Variants in METTL15 observed in about 807,000 individuals in gnomAD.
METTL15 encodes the protein methyltransferase 15, mitochondrial 12S rRNA N4-cytidine, also known as 12S rRNA N(4)-cytidine methyltransferase METTL15.
A neutral mutation model predicts 38.3 loss-of-function variants in METTL15; 34 were observed. That is an observed-to-expected ratio of 0.89 (90% confidence interval 0.68 to 1.18). The LOEUF is 1.18. Among genes scored for constraint, METTL15 ranks in the 50% most tolerant of loss-of-function variants. The pLI is 0.00. For synonymous variants in METTL15, 162 were observed against 170.9 expected (o/e 0.95, Z 0.41); for missense variants, 438 against 498.4 (o/e 0.88, Z 1.15).
intron 6 of METTL15, among the ~76,000 whole-genome samples, chr11:28,433,592 TA>T (rs1349831395): frequency 6.6e-6 from 1 of 152,154 alleles, no homozygotes; most frequent in Non-Finnish European, 1.5e-5. Flanking sequence ...TGACATGTAA[TA>T]AGAATATACG....
At chr11:28,491,295 T>G (rs1282502661) in intron 6 of METTL15, among the ~76,000 whole-genome samples, 1 of 152,150 alleles carries the variant, frequency 6.6e-6, no homozygotes. Flanking sequence ...TATTTAATGC[T>G]TATTGAATGG....
intron 3 of METTL15, among the ~76,000 whole-genome samples, chr11:28,128,668 T>A (rs551029755): frequency 5.2e-4 from 79 of 152,318 alleles, no homozygotes; most frequent in African/African-American, 1.7e-3. Context: ...AACTATGCAA[T>A]CACTCTTTTT....
intron 5 of METTL15, among the ~76,000 whole-genome samples, chr11:28,292,023 A>AT (rs530266776): frequency 2.1e-4 from 31 of 150,896 alleles, no homozygotes; most frequent in East Asian, 1.2e-3. Flanking sequence ...TAATCAAAAG[A>AT]TTTTTTTTTA....
chr11:28,255,084 C>T (rs1854917755), intron 4 of METTL15, among the ~76,000 whole-genome samples: 1 of 152,112 alleles, frequency 6.6e-6, no homozygotes, highest in Non-Finnish European at 1.5e-5. Flanking sequence ...AATATTCTTC[C>T]ATTCCATGAA....
intron 5 of METTL15, among the ~76,000 whole-genome samples, chr11:28,414,329 C>G (rs538608339): frequency 6.6e-6 from 1 of 151,978 alleles, no homozygotes; most frequent in Non-Finnish European, 1.5e-5. Context: ...AAGAGAAATA[C>G]CCTAACTTCT....
intron 3 of METTL15, among the ~76,000 whole-genome samples, chr11:28,208,969 T>G (rs1236903239): frequency 1.3e-5 from 2 of 152,018 alleles, no homozygotes; most frequent in Admixed American, 6.6e-5. Flanking sequence ...CCTTCTAGTT[T>G]CATAAATTCC....
At chr11:28,198,046 G>T (rs1851974312) in intron 3 of METTL15, among the ~76,000 whole-genome samples, 1 of 152,002 alleles carries the variant, frequency 6.6e-6, no homozygotes, top group Admixed American at 6.6e-5. Context: ...ATTCTTAAAA[G>T]AAAGTACCTC....
chr11:28,144,311 T>C (rs780030235), intron 3 of METTL15, among the ~76,000 whole-genome samples: 3 of 152,168 alleles, frequency 2.0e-5, no homozygotes, highest in Non-Finnish European at 4.4e-5. Context: ...ATTATGACTT[T>C]GACCTCTCTG....
chr11:28,518,487 C>T (rs1479642651), intron 6 of METTL15, among the ~76,000 whole-genome samples: 1 of 152,200 alleles, frequency 6.6e-6, no homozygotes, highest in African/African-American at 2.4e-5. Flanking sequence ...ACATAACCCT[C>T]TTGTTCCATG....
intron 3 of METTL15, among the ~76,000 whole-genome samples, chr11:28,209,793 C>T (rs1274503714): frequency 6.6e-6 from 1 of 151,948 alleles, no homozygotes; most frequent in Non-Finnish European, 1.5e-5. Context: ...TAAGTGGAAA[C>T]ATTCAGAGCA....
At chr11:28,357,182 GT>G (rs1175525810) in intron 4 of METTL15, among the ~76,000 whole-genome samples, 1 of 152,140 alleles carries the variant, frequency 6.6e-6, no homozygotes, top group Non-Finnish European at 1.5e-5. Flanking sequence ...TATACTTTTG[GT>G]TTACATACAG....
intron 5 of METTL15, among the ~76,000 whole-genome samples, chr11:28,404,943 A>G (rs954964833): frequency 1.3e-5 from 2 of 152,130 alleles, no homozygotes; most frequent in Non-Finnish European, 2.9e-5. Context: ...TCAGAGCTTA[A>G]TATTTGTAAG....
intron 6 of METTL15, among the ~76,000 whole-genome samples, chr11:28,430,927 A>G (rs1378583085): frequency 1.6e-3 from 153 of 98,186 alleles, no homozygotes; most frequent in South Asian, 2.9e-3. Context: ...CCGCCCGGCC[A>G]GCCGCCCCGT....
chr11:28,139,523 A>G (rs1242555647), intron 3 of METTL15, among the ~76,000 whole-genome samples: 1 of 152,056 alleles, frequency 6.6e-6, no homozygotes, highest in Non-Finnish European at 1.5e-5. Context: ...AATTATCCGC[A>G]TTTACCCACA....
chr11:28,361,564 C>G (rs1271033354), intron 4 of METTL15, among the ~76,000 whole-genome samples: 6 of 152,114 alleles, frequency 3.9e-5, no homozygotes, highest in African/African-American at 9.7e-5. Flanking sequence ...TACTCTTACT[C>G]TAGCTAGATT....
At chr11:28,432,886 T>A (rs1280297445) in intron 6 of METTL15, among the ~76,000 whole-genome samples, 1 of 151,854 alleles carries the variant, frequency 6.6e-6, no homozygotes, top group African/African-American at 2.4e-5. Flanking sequence ...AGCAACAAAC[T>A]CCCAGAGCAC....
At chr11:28,225,972 A>T (rs889031707) in intron 4 of METTL15, among the ~76,000 whole-genome samples, 1 of 151,842 alleles carries the variant, frequency 6.6e-6, no homozygotes, top group African/African-American at 2.4e-5. Flanking sequence ...AGTGTTGTTT[A>T]TGGTTTTTAT....
At position 28,445,778 on chromosome 11, in the gene METTL15, A is replaced by G. The variant is rs151218214; in HGVS notation, c.*424+21414A>G. ...GCAGTCCTCCCACTTAAGCCTCTCA[A>G]GTAGCTGGAACTACTGACATGTGCC... On this transcript the variant is annotated intron_variant and NMD_transcript_variant, in intron 6 of 7. Coordinates refer to the METTL15 transcript ENST00000532947. Among the ~76,000 whole-genome samples, 14 of 152,110 alleles carry G rather than the reference A, an allele frequency of 9.2e-5. No homozygotes were observed. The East Asian group carries it at 1.9e-3, about 21-fold the overall frequency.
At chr11:28,489,605 C>CCA (rs1219311354) in intron 6 of METTL15, among the ~76,000 whole-genome samples, 1 of 151,268 alleles carries the variant, frequency 6.6e-6, no homozygotes, top group Non-Finnish European at 1.5e-5. Flanking sequence ...CTATGGAAGC[C>CCA]CAGAGAGAGA....
Sources: gnomAD v4.1 joint callset for allele counts (sites outside exome capture counted in the v4.1 genomes callset) on GRCh38, gnomAD v4.1.1 for gene constraint, MANE v1.5 for transcripts, NCBI Gene and HGNC (gene_info 2026-07-23, HGNC 2026-07-21) for gene names.